Variants in IL1RAPL1 observed in about 807,000 individuals in gnomAD.
IL1RAPL1 encodes interleukin 1 receptor accessory protein like 1.
Under a neutral mutation model 48.4 loss-of-function variants are expected in IL1RAPL1, and 3 were observed. The observed-to-expected ratio is 0.06, with a 90% confidence interval of 0.03 to 0.16. IL1RAPL1 has a LOEUF of 0.16. IL1RAPL1 is among the 10% of genes least tolerant of loss of function. The pLI, the probability that IL1RAPL1 is intolerant of heterozygous loss-of-function variation, is 1.00. For missense variants in IL1RAPL1, 349 were observed against 530.6 expected, an observed-to-expected ratio of 0.66 and a Z score of 3.36; for synonymous variants, 185 against 187.7, an observed-to-expected ratio of 0.99 and a Z score of 0.12.
intron 3 of IL1RAPL1, among the ~76,000 whole-genome samples, chrX:29,323,221 C>T (rs1267822740): frequency 1.8e-5 from 2 of 111,369 alleles, no homozygotes; most frequent in Admixed American, 1.9e-4. Flanking sequence ...CTTTTCTGAG[C>T]CAATCTTCTC....
At chrX:29,569,912 A>G (rs1922541789) in intron 5 of IL1RAPL1, among the ~76,000 whole-genome samples, 1 of 111,984 alleles carries the variant, frequency 8.9e-6, no homozygotes, top group Admixed American at 9.5e-5. Flanking sequence ...GTAAGTTTGT[A>G]ATTTAGAACC....
intron 5 of IL1RAPL1, among the ~76,000 whole-genome samples, chrX:29,640,871 G>A (rs1361238720): frequency 8.9e-6 from 1 of 112,092 alleles, no homozygotes; most frequent in Admixed American, 9.5e-5. Context: ...CTTCTGCTTA[G>A]AAATCACCAG....
intron 2 of IL1RAPL1, among the ~76,000 whole-genome samples, chrX:28,824,354 CCTT>C (rs1285351474): frequency 9.0e-6 from 1 of 111,139 alleles, no homozygotes; most frequent in African/African-American, 3.3e-5. Flanking sequence ...GTCTGAAATT[CCTT>C]CTTTGAAAAC....
At chrX:29,160,601 T>A (rs966650177) in intron 2 of IL1RAPL1, among the ~76,000 whole-genome samples, 7 of 112,453 alleles carry the variant, frequency 6.2e-5, no homozygotes, top group Admixed American at 1.9e-4. Flanking sequence ...TATATGTTCA[T>A]TGGTTTGTTC....
At chrX:29,751,817 A>G (rs1392423711) in intron 6 of IL1RAPL1, among the ~76,000 whole-genome samples, 2 of 108,187 alleles carry the variant, frequency 1.8e-5, no homozygotes, top group African/African-American at 6.7e-5. Context: ...CTGTAGTCCT[A>G]TCTACCTGGG....
At chrX:28,889,454 T>A (rs1190645620) in intron 2 of IL1RAPL1, among the ~76,000 whole-genome samples, 1 of 111,921 alleles carries the variant, frequency 8.9e-6, no homozygotes, top group Admixed American at 9.5e-5. Context: ...AGTGTCATTA[T>A]CTACATGAAG....
At chrX:29,526,721 T>C (rs1318739836) in intron 5 of IL1RAPL1, among the ~76,000 whole-genome samples, 1 of 111,949 alleles carries the variant, frequency 8.9e-6, no homozygotes, top group Non-Finnish European at 1.9e-5. Context: ...GTGTAAAACA[T>C]ATAAGAAATT....
intron 5 of IL1RAPL1, among the ~76,000 whole-genome samples, chrX:29,549,092 A>G (rs774479773): frequency 1.2e-4 from 13 of 112,246 alleles, no homozygotes; most frequent in Non-Finnish European, 2.1e-4. Context: ...TTGCATATAC[A>G]GTAGTCTCTC....
At chrX:29,428,592 C>G (rs1602230240) in intron 5 of IL1RAPL1, among the ~76,000 whole-genome samples, 1 of 110,842 alleles carries the variant, frequency 9.0e-6, no homozygotes, top group East Asian at 2.8e-4. Flanking sequence ...TAAAAACTTT[C>G]TAAGACTATG....
intron 1 of IL1RAPL1, among the ~76,000 whole-genome samples, chrX:28,710,242 G>A (rs1935424325): frequency 9.1e-6 from 1 of 110,078 alleles, no homozygotes; most frequent in Admixed American, 9.8e-5. Flanking sequence ...CATTCTTGAG[G>A]GGAGATAGAC....
chrX:29,128,758 AATGGATGGATGG>A (rs946285247), intron 2 of IL1RAPL1, among the ~76,000 whole-genome samples: 1 of 111,591 alleles, frequency 9.0e-6, no homozygotes, highest in African/African-American at 3.3e-5. Context: ...TTCCTTAATG[AATGGATGGATGG>A]ATGGATGGAT....
At chrX:28,609,593 C>T (rs1236341607) in intron 1 of IL1RAPL1, among the ~76,000 whole-genome samples, 1 of 102,731 alleles carries the variant, frequency 9.7e-6, no homozygotes, top group African/African-American at 3.6e-5. Context: ...TCATTTCTCA[C>T]TTTGATCAAA....
chrX:29,177,598 A>G (rs941812232), intron 2 of IL1RAPL1, among the ~76,000 whole-genome samples: 2 of 111,959 alleles, frequency 1.8e-5, no homozygotes, highest in African/African-American at 6.5e-5. Context: ...GTTTAAATTA[A>G]TTTTCTATTA....
chrX:29,428,938 G>T (rs1299908545), intron 5 of IL1RAPL1, among the ~76,000 whole-genome samples: 2 of 111,458 alleles, frequency 1.8e-5, no homozygotes, highest in Non-Finnish European at 3.8e-5. Context: ...AGTGTATATT[G>T]AGGAATATTC....
At chrX:29,640,627 A>G (rs1194381417) in intron 5 of IL1RAPL1, among the ~76,000 whole-genome samples, 1 of 111,910 alleles carries the variant, frequency 8.9e-6, no homozygotes, top group Non-Finnish European at 1.9e-5. Flanking sequence ...AAGCCTTGTG[A>G]TCATCCTTGA....
intron 3 of IL1RAPL1, among the ~76,000 whole-genome samples, chrX:29,334,324 G>A: frequency 1.1e-5 from 1 of 89,084 alleles, no homozygotes; most frequent in South Asian, 5.7e-4. Flanking sequence ...CCGGGCGGGG[G>A]GCTGACCCCC....
At chrX:28,770,489 T>C (rs1936296616) in intron 1 of IL1RAPL1, among the ~76,000 whole-genome samples, 1 of 112,284 alleles carries the variant, frequency 8.9e-6, no homozygotes. Context: ...GTAACCTTTT[T>C]TCTGGACTTA....
intron 5 of IL1RAPL1, among the ~76,000 whole-genome samples, chrX:29,489,913 T>C (rs59870995): frequency 0.081 from 9,070 of 111,574 alleles, 586 homozygotes; most frequent in African/African-American, 0.21. Flanking sequence ...GATTTAGGTC[T>C]CAGCCTAATT....
chrX:28,601,016 T>C (rs1468805668), intron 1 of IL1RAPL1, among the ~76,000 whole-genome samples: 1 of 112,111 alleles, frequency 8.9e-6, no homozygotes, highest in Non-Finnish European at 1.9e-5. Context: ...ACACTGACAC[T>C]TAATTTTGCC....
Sources: gnomAD v4.1 joint callset for allele counts (sites outside exome capture counted in the v4.1 genomes callset) on GRCh38, gnomAD v4.1.1 for gene constraint, MANE v1.5 for transcripts, NCBI Gene and HGNC (gene_info 2026-07-23, HGNC 2026-07-21) for gene names.